SETD2: variants seen among roughly 807,000 people sequenced by gnomAD.
SETD2 encodes the protein histone-lysine N-methyltransferase SETD2.
In SETD2, 31 loss-of-function variants were observed where a neutral mutation model predicts 242.1. The ratio of observed to expected loss-of-function variants is 0.13; its 90% CI spans 0.10 to 0.17. The LOEUF is 0.17. Among genes scored for constraint, SETD2 ranks in the 10% least tolerant of loss-of-function variants. The pLI, the probability that SETD2 is intolerant of heterozygous loss-of-function variation, is 1.00. For synonymous variants in SETD2, 1,006 were observed against 1,066.5 expected (o/e 0.94, Z 1.11); for missense variants, 2,481 against 3,046.3 (o/e 0.81, Z 4.37).
At chr3:47,134,447 C>CTA (rs2043548335) in intron 1 of SETD2, among the ~76,000 whole-genome samples, 2 of 152,144 alleles carry the variant, frequency 1.3e-5, no homozygotes, top group South Asian at 4.1e-4. Context: ...TCTGCTTGGA[C>CTA]TATGGTCATA....
intron 7 of SETD2, among the ~76,000 whole-genome samples, chr3:47,102,708 C>T (rs567400271): frequency 2.7e-5 from 4 of 146,676 alleles, no homozygotes; most frequent in Admixed American, 2.1e-4. Context: ...GCAGGAGAAT[C>T]GCATGAATCC....
chr3:47,152,093 T>C (rs1288339022), intron 1 of SETD2, among the ~76,000 whole-genome samples: 1 of 152,190 alleles, frequency 6.6e-6, no homozygotes, highest in Non-Finnish European at 1.5e-5. Flanking sequence ...GTTTCCTGAA[T>C]AATTGTACAA....
Position 47,123,074 on chromosome 3 carries a change from G to C in SETD2, c.1562C>G (p.Thr521Ser), listed in dbSNP as rs1432277979. The change falls in exon 3 of 21, where the codon ACT becomes AGT. Residue 521 changes from threonine to serine, a missense_variant. Coordinates refer to ENST00000409792, the MANE Select transcript of SETD2 (RefSeq NM_014159.7). ...SSKLERESKR[T>S]SENEAIKRCC... Reference sequence around the variant, plus strand: ...TCTTTTAATTGCTTCATTTTCTGAAGTCCTTTTAGATTCTCTTTCTAGTTT... The same window carrying C: ...TCTTTTAATTGCTTCATTTTCTGAACTCCTTTTAGATTCTCTTTCTAGTTT... The C allele has an allele frequency of 2.2e-5, 36 of 1,613,534 alleles. No individual in the cohort carries two copies. Among genetic ancestry groups the C allele is most frequent in the Non-Finnish European group, 3.0e-5 (35 of 1,179,828 alleles).
At chr3:47,140,631 C>T (rs761901972) in intron 1 of SETD2, among the ~76,000 whole-genome samples, 1 of 152,084 alleles carries the variant, frequency 6.6e-6, no homozygotes, top group Non-Finnish European at 1.5e-5. Context: ...GAGGCCAAGG[C>T]GGGTGGATCA....
Position 47,105,719 on chromosome 3 carries a change from G to A in SETD2, c.4839+278C>T, listed in dbSNP as rs587777970. On this transcript the variant is annotated intron_variant, in intron 6 of 20. Transcript: ENST00000409792. ...GGAGATCGAGACCAGCCTGGCCAAC[G>A]TGGTGAAACCCCGTCTCTACTAAAA... is the stretch of plus-strand genomic sequence containing the variant. 39 of 431,026 alleles carry A rather than the reference G, an allele frequency of 9.0e-5. No individual in the cohort carries two copies. Among genetic ancestry groups the A allele is most frequent in the Middle Eastern group, 3.6e-4 (1 of 2,790 alleles). The allele number at this position is 431,026 out of a possible 1,614,324, so 26.7% of individuals were successfully genotyped here. A position where few individuals can be genotyped will look rare whatever the true frequency, so the allele number is the denominator to read the frequency against.
intron 1 of SETD2, among the ~76,000 whole-genome samples, chr3:47,147,079 C>G (rs2043872786): frequency 6.6e-6 from 1 of 152,078 alleles, no homozygotes; most frequent in South Asian, 2.1e-4. Flanking sequence ...GGTGCAATCT[C>G]AGCTCACTGC....
intron 18 of SETD2, among the ~76,000 whole-genome samples, chr3:47,021,825 C>T (rs929370610): frequency 6.6e-6 from 1 of 152,054 alleles, no homozygotes; most frequent in Non-Finnish European, 1.5e-5. Context: ...ACCTTAGGAC[C>T]CCCCACTCCA....
At chr3:47,048,692 C>G (rs2107554096) in intron 15 of SETD2, among the ~76,000 whole-genome samples, 1 of 152,062 alleles carries the variant, frequency 6.6e-6, no homozygotes, top group Middle Eastern at 3.4e-3. Flanking sequence ...ATAAACAACC[C>G]TCCTCCCTCC....
chr3:47,117,780 G>C (rs1359730106), intron 3 of SETD2, among the ~76,000 whole-genome samples: 1 of 152,196 alleles, frequency 6.6e-6, no homozygotes, highest in African/African-American at 2.4e-5. Flanking sequence ...GCTAAAATTT[G>C]ATTGCGTTCA....
At chr3:47,037,894 A>C in intron 17 of SETD2, 117 bp from the exon 18 acceptor site, 1 of 723,894 alleles carries the variant, frequency 1.4e-6, no homozygotes, top group South Asian at 1.5e-5. Context: ...AGAATAAGTC[A>C]GCTCCATGAG....
intron 18 of SETD2, among the ~76,000 whole-genome samples, chr3:47,034,469 G>T (rs1349408469): frequency 6.6e-6 from 1 of 151,978 alleles, no homozygotes; most frequent in Non-Finnish European, 1.5e-5. Context: ...TCTTTTGCAG[G>T]CCTCTAAAGT....
chr3:47,117,267 A>C (rs1236207490), intron 3 of SETD2, among the ~76,000 whole-genome samples: 6 of 139,792 alleles, frequency 4.3e-5, no homozygotes, highest in African/African-American at 1.8e-4. Context: ...TTACCAAAAA[A>C]AAAAAAAAAA....
intron 5 of SETD2, among the ~76,000 whole-genome samples, chr3:47,112,530 C>A (rs2042698622): frequency 6.6e-6 from 1 of 152,048 alleles, no homozygotes; most frequent in Admixed American, 6.6e-5. Context: ...GATCTGCCCA[C>A]CTCGGCCTCC....
rs770497425 is a variant in SETD2 at position 47,098,077 on chromosome 3, CT to C, written c.5019del (p.Glu1674LysfsTer31). ...GATCCGCAGAAACATTTCTGGGCTT[CT>C]TTTCTGTTCAAAGAGCATAGGAAAG... is the stretch of plus-strand genomic sequence containing the variant. ...TFDYQFQRYGKEAQKCFCGSA... is the reference protein window; with the variant it reads ...TFDYQFQRYGXEAQKCFCGSA... On this transcript the variant is annotated frameshift_variant, in exon 9 of 21. Transcript: ENST00000409792. LOFTEE classifies it high-confidence loss of function. The C allele has an allele frequency of 6.2e-7, 1 of 1,613,854 alleles. No homozygotes were observed.
intron 17 of SETD2, among the ~76,000 whole-genome samples, 174 bp from the exon 18 acceptor site, chr3:47,037,951 CAG>C (rs1439573601): frequency 6.6e-6 from 1 of 152,222 alleles, no homozygotes; most frequent in Non-Finnish European, 1.5e-5. Context: ...GATTCTAGCA[CAG>C]AGATATGCCC....
rs184759797 is a variant in SETD2 at position 47,040,810 on chromosome 3, C to T, written c.7238+1751G>A. 7.8e-4 allele frequency among the ~76,000 whole-genome samples: 119 copies of T among 151,990 alleles called. 2 individuals are homozygous for T. The highest frequency in any genetic ancestry group is 2.7e-3 in the African/African-American group (112 of 41,472). On this transcript the variant is annotated intron_variant, in intron 17 of 20. Transcript: ENST00000409792. ...CTGGTCTCAAACTCCTGGCCTCAAG[C>T]GATCCTCCTGCCCCAGCCTCCCAAA...
chr3:47,087,239 G>C (rs1275288801), intron 10 of SETD2, among the ~76,000 whole-genome samples: 1 of 149,520 alleles, frequency 6.7e-6, no homozygotes, highest in African/African-American at 2.4e-5. Flanking sequence ...CACATTCTTT[G>C]AATATAGACA....
Position 47,121,033 on chromosome 3 carries a change from C to G in SETD2, c.3603G>C (p.Glu1201Asp), listed in dbSNP as rs2043062275. 2 of 1,614,070 alleles carry G rather than the reference C, an allele frequency of 1.2e-6. No homozygotes were observed. Among genetic ancestry groups the G allele is most frequent in the Non-Finnish European group, 1.7e-6 (2 of 1,180,030 alleles). ...CAAAATCAGAAGAATAAATTGGCAG[C>G]TCTTCTTGCTGCCTAGAAGGTATTT... ...KAKIPSRQQE[E>D]LPIYSSDFED... The change falls in exon 3 of 21, where the codon GAG (glutamate) becomes GAC (aspartate). Residue 1201 changes from glutamate to aspartate, a missense_variant. Glu to Asp is a conservative substitution (Grantham distance 45, BLOSUM62 2). This residue lies in a region of SETD2 where 1,300 missense variants were observed against 1,259.2 expected (regional missense o/e 1.03). Transcript: ENST00000409792.
rs1232312443 is a variant in SETD2, at chr3:47,062,228, T to C, written c.6228A>G (p.Lys2076=). 6.2e-7 allele frequency: 1 copy of C among 1,614,140 alleles called. No individual in the cohort carries two copies. Among genetic ancestry groups the C allele is most frequent in the Non-Finnish European group, 8.5e-7 (1 of 1,180,010 alleles). Residue 2076 remains lysine, a synonymous_variant, in exon 14 of 21, where the codon AAA becomes AAG. Transcript: ENST00000409792. The stretch of plus-strand genomic sequence containing the variant: ...AGGGTGGTGAGAGGGAGCTTCTTCG[T>C]TTCCTTTTCTCTTTATTTTGAGTTT... ...DKQTQNKEKR[K]RRSSLSPPSS... is the part of the protein sequence containing the mutation.
Sources: gnomAD v4.1 joint callset for allele counts (sites outside exome capture counted in the v4.1 genomes callset) on GRCh38, gnomAD v4.1.1 for gene constraint, gnomAD v4.1.1 regional missense constraint, MANE v1.5 for transcripts, NCBI Gene and HGNC (gene_info 2026-07-23, HGNC 2026-07-21) for gene names.